FBXL7: variants seen among roughly 807,000 people sequenced by gnomAD.
FBXL7 encodes the protein F-box/LRR-repeat protein 7.
FBXL7 carries 12 observed loss-of-function variants against 38.3 expected under a neutral mutation model. The observed-to-expected ratio is 0.31, with a 90% CI of 0.20 to 0.51. FBXL7 has a LOEUF of 0.51. Among genes scored for constraint, FBXL7 ranks in the 20% least tolerant of loss-of-function variants. FBXL7 has a pLI of 0.98. For missense variants in FBXL7, 567 were observed against 676.4 expected, an observed-to-expected ratio of 0.84 and a Z score of 1.79; for synonymous variants, 297 against 300.9, an observed-to-expected ratio of 0.99 and a Z score of 0.13.
chr5:15,659,804 C>G (rs1055155270), intron 2 of FBXL7, among the ~76,000 whole-genome samples: 3 of 152,006 alleles, frequency 2.0e-5, no homozygotes, highest in Admixed American at 2.0e-4. Context: ...AATGTCGTCA[C>G]CATATAAAAG....
intron 1 of FBXL7, among the ~76,000 whole-genome samples, chr5:15,509,235 C>T (rs1302185643): frequency 2.0e-5 from 3 of 152,110 alleles, no homozygotes; most frequent in Admixed American, 2.0e-4. Flanking sequence ...GTAATAAAAT[C>T]AGTGTTGGTG....
chr5:15,634,791 T>G (rs1741129573), intron 2 of FBXL7, among the ~76,000 whole-genome samples: 1 of 152,154 alleles, frequency 6.6e-6, no homozygotes, highest in South Asian at 2.1e-4. Context: ...AGAAGAGAAT[T>G]CATTCCTTGT....
At position 15,825,822 on chromosome 5, in the gene FBXL7, C is replaced by T. The variant is rs182349076; in HGVS notation, c.128-102068C>T. On this transcript the variant is annotated intron_variant, in intron 2 of 3. Coordinates refer to ENST00000504595, the MANE Select transcript of FBXL7 (RefSeq NM_012304.5). ...CAGCTCAAGTTATAGCATTAGAATTCTTTAGACTAAGTGTCAACTTCAGTT... is the reference window on the plus strand; with the variant it reads ...CAGCTCAAGTTATAGCATTAGAATTTTTTAGACTAAGTGTCAACTTCAGTT... 5.6e-3 allele frequency among the ~76,000 whole-genome samples: 854 copies of T among 152,200 alleles called. 6 individuals are homozygous for T. Among genetic ancestry groups the T allele is most frequent in the African/African-American group, 0.02 (814 of 41,540 alleles).
rs1164887192 is a variant in FBXL7, at chr5:15,937,745, A to G, written c.*559A>G. The stretch of plus-strand genomic sequence containing the variant: ...GCAAAATACTTTTCAGGCCTTTTTA[A>G]AAAATTCATTACAGCAAACAGCTGG... On this transcript the variant is annotated 3_prime_UTR_variant, in exon 4 of 4. Coordinates refer to ENST00000504595, the MANE Select transcript of FBXL7 (RefSeq NM_012304.5). The G allele has an allele frequency of 2.6e-5, 4 of 152,768 alleles. No homozygotes were observed. The highest frequency in any genetic ancestry group is 9.7e-5 in the African/African-American group (4 of 41,424). 9.5% of individuals were successfully genotyped at this position (152,768 alleles called of 1,614,324 possible).
chr5:15,515,085 G>A (rs567832778), intron 1 of FBXL7, among the ~76,000 whole-genome samples: 1 of 152,246 alleles, frequency 6.6e-6, no homozygotes, highest in East Asian at 1.9e-4. Flanking sequence ...CCCAACATAA[G>A]ACAGCAAAGA....
chr5:15,576,693 AT>A (rs1216597868), intron 1 of FBXL7, among the ~76,000 whole-genome samples: 27 of 147,876 alleles, frequency 1.8e-4, no homozygotes, highest in South Asian at 4.3e-4. Context: ...AAAAAGATTG[AT>A]TTTTTTTTTT....
chr5:15,602,799 A>G (rs1739842815), intron 1 of FBXL7, among the ~76,000 whole-genome samples: 1 of 152,124 alleles, frequency 6.6e-6, no homozygotes, highest in Non-Finnish European at 1.5e-5. Context: ...TCACTTAAGG[A>G]TCCCATTTTG....
chr5:15,797,658 T>A (rs149677349), intron 2 of FBXL7, among the ~76,000 whole-genome samples: 2 of 152,334 alleles, frequency 1.3e-5, no homozygotes, highest in East Asian at 3.9e-4. Context: ...TTTGTGGGAA[T>A]GTATGTTGCT....
At chr5:15,796,631 A>T (rs891812250) in intron 2 of FBXL7, among the ~76,000 whole-genome samples, 15 of 152,220 alleles carry the variant, frequency 9.9e-5, no homozygotes, top group Non-Finnish European at 1.5e-5. Context: ...GTCAGGTTTT[A>T]TACCCTGCCG....
At chr5:15,548,334 G>A (rs1359579998) in intron 1 of FBXL7, among the ~76,000 whole-genome samples, 3 of 152,152 alleles carry the variant, frequency 2.0e-5, no homozygotes, top group South Asian at 2.1e-4. Flanking sequence ...TGATGTTTAT[G>A]TTCTGGAATG....
At chr5:15,500,787 A>C (rs1006223735) in intron 1 of FBXL7, 74 bp downstream of exon 1, 1 of 1,555,816 alleles carries the variant, frequency 6.4e-7, no homozygotes, top group African/African-American at 1.4e-5. Context: ...CCGACTGGGA[A>C]GGGAGGTTCT....
intron 1 of FBXL7, among the ~76,000 whole-genome samples, chr5:15,504,770 T>G (rs919895101): frequency 6.6e-6 from 1 of 152,210 alleles, no homozygotes; most frequent in Non-Finnish European, 1.5e-5. Flanking sequence ...TTAGAACCAT[T>G]AGCTTTGACT....
intron 1 of FBXL7, among the ~76,000 whole-genome samples, chr5:15,607,578 A>G (rs1740070935): frequency 6.6e-6 from 1 of 152,196 alleles, no homozygotes; most frequent in Non-Finnish European, 1.5e-5. Flanking sequence ...GTCCCTCACT[A>G]AAAGGACTCC....
At chr5:15,680,060 T>C (rs1261823305) in intron 2 of FBXL7, among the ~76,000 whole-genome samples, 2 of 152,188 alleles carry the variant, frequency 1.3e-5, no homozygotes, top group African/African-American at 4.8e-5. Context: ...ATGAAACAAG[T>C]ATCTACATTC....
chr5:15,922,476 C>T (rs1247413304), intron 2 of FBXL7, among the ~76,000 whole-genome samples: 2 of 152,204 alleles, frequency 1.3e-5, no homozygotes, highest in South Asian at 2.1e-4. Context: ...GATTCCACCT[C>T]GGAGAACAGA....
intron 1 of FBXL7, among the ~76,000 whole-genome samples, chr5:15,588,384 ATT>A (rs369831084): frequency 1.3e-4 from 18 of 137,654 alleles, no homozygotes; most frequent in Admixed American, 3.7e-4. Flanking sequence ...CTATGTTGTA[ATT>A]TTTTTTTTTT....
intron 2 of FBXL7, among the ~76,000 whole-genome samples, chr5:15,642,449 A>G (rs1297457587): frequency 6.6e-6 from 1 of 152,200 alleles, no homozygotes; most frequent in Non-Finnish European, 1.5e-5. Context: ...CTTACACTCA[A>G]TTTCTAAAAC....
At chr5:15,913,240 CTTT>C (rs71605517) in intron 2 of FBXL7, among the ~76,000 whole-genome samples, 1 of 144,256 alleles carries the variant, frequency 6.9e-6, no homozygotes, top group Non-Finnish European at 1.5e-5. Flanking sequence ...ATCATATTTT[CTTT>C]TTTTTTTTAA....
chr5:15,591,428 CAAAA>C (rs199519096), intron 1 of FBXL7, among the ~76,000 whole-genome samples: 2 of 99,104 alleles, frequency 2.0e-5, no homozygotes, highest in Non-Finnish European at 4.1e-5. Context: ...GACTCTGTCT[CAAAA>C]AAAAAAAAAA....
Sources: allele counts gnomAD v4.1 joint callset (sites outside exome capture counted in the v4.1 genomes callset), GRCh38; gene constraint gnomAD v4.1.1; transcripts MANE v1.5; gene names NCBI Gene and HGNC (gene_info 2026-07-23, HGNC 2026-07-21).